Variants in LRFN2 observed in about 807,000 individuals in gnomAD.
The protein encoded by LRFN2 is leucine rich repeat and fibronectin type III domain containing 2, also known as leucine-rich repeat and fibronectin type-III domain-containing protein 2.
In LRFN2, 18 loss-of-function variants were observed where a neutral mutation model predicts 37.3. The observed-to-expected ratio is 0.48, with a 90% CI of 0.33 to 0.72. The LOEUF (loss-of-function observed/expected upper bound fraction) is 0.72, where lower values mean the gene tolerates loss of function less well. Among genes scored for constraint, LRFN2 ranks in the 30% least tolerant of loss-of-function variants. LRFN2 has a pLI of 0.02. For synonymous variants in LRFN2, 556 were observed against 466.6 expected (o/e 1.19, Z -2.47); for missense variants, 1,006 against 1,060.7 (o/e 0.95, Z 0.72).
In LRFN2 at chr6:40,465,721, A is replaced by C. The variant is rs940318621; in HGVS notation, c.-18-32590T>G. Among the ~76,000 whole-genome samples, 4 of 152,154 alleles carry C rather than the reference A, an allele frequency of 2.6e-5. No homozygotes were observed. The South Asian group carries it at 8.3e-4, about 32-fold the overall frequency. On this transcript the variant is annotated intron_variant, in intron 1 of 2. Coordinates refer to ENST00000338305, the MANE Select transcript of LRFN2 (RefSeq NM_020737.3). The stretch of plus-strand genomic sequence containing the variant: ...ACATAGGATGTTCCCAAGAGGATCA[A>C]ATTTCTGGGAATTTGGGGACTGGAG...
intron 1 of LRFN2, among the ~76,000 whole-genome samples, chr6:40,440,293 C>T (rs970215314): frequency 4.6e-5 from 7 of 152,124 alleles, no homozygotes; most frequent in African/African-American, 1.4e-4. Flanking sequence ...ATTATGCCTC[C>T]GTATTAGCAC....
At chr6:40,554,317 T>G (rs1169817114) in intron 1 of LRFN2, among the ~76,000 whole-genome samples, 1 of 152,192 alleles carries the variant, frequency 6.6e-6, no homozygotes, top group Admixed American at 6.5e-5. Context: ...ATGCCCTCCT[T>G]AGGGGCTTCT....
At chr6:40,563,351 T>C (rs1043270693) in intron 1 of LRFN2, among the ~76,000 whole-genome samples, 1 of 152,114 alleles carries the variant, frequency 6.6e-6, no homozygotes, top group African/African-American at 2.4e-5. Flanking sequence ...CCTCCTCCTC[T>C]GGGGGGCCCT....
chr6:40,414,745 C>G (rs545677143), intron 2 of LRFN2, among the ~76,000 whole-genome samples: 7 of 152,222 alleles, frequency 4.6e-5, no homozygotes, highest in Non-Finnish European at 7.3e-5. Flanking sequence ...TTGGCCCCCC[C>G]AGGCGGGGTC....
At chr6:40,535,942 G>C (rs1014918924) in intron 1 of LRFN2, among the ~76,000 whole-genome samples, 3 of 152,100 alleles carry the variant, frequency 2.0e-5, no homozygotes, top group Non-Finnish European at 4.4e-5. Context: ...ATTGCAGCTG[G>C]CTCAGCGATG....
At chr6:40,569,292 AG>A (rs1334410482) in intron 1 of LRFN2, among the ~76,000 whole-genome samples, 1 of 152,190 alleles carries the variant, frequency 6.6e-6, no homozygotes, top group Non-Finnish European at 1.5e-5. Flanking sequence ...CCTGGAACCA[AG>A]GGAGAGTTGG....
intron 1 of LRFN2, among the ~76,000 whole-genome samples, chr6:40,446,555 C>T (rs1763974287): frequency 6.6e-6 from 1 of 152,180 alleles, no homozygotes; most frequent in Non-Finnish European, 1.5e-5. Flanking sequence ...GTCACTAGGG[C>T]TAAGTGTATT....
At chr6:40,575,705 C>T (rs1377752905) in intron 1 of LRFN2, among the ~76,000 whole-genome samples, 3 of 147,202 alleles carry the variant, frequency 2.0e-5, no homozygotes, top group Non-Finnish European at 4.5e-5. Context: ...CCCACCCCAT[C>T]CCCACTCTCC....
intron 2 of LRFN2, among the ~76,000 whole-genome samples, chr6:40,396,652 A>G (rs1167860835): frequency 3.3e-5 from 5 of 151,560 alleles, no homozygotes; most frequent in Non-Finnish European, 5.9e-5. Context: ...GATGAAGAGC[A>G]GAAAGGCGGA....
Position 40,490,221 on chromosome 6 carries a change from G to C in LRFN2, c.-18-57090C>G, listed in dbSNP as rs1440707414. 2.6e-5 allele frequency among the ~76,000 whole-genome samples: 4 copies of C among 152,366 alleles called. No homozygotes were observed. The East Asian group carries it at 7.7e-4, about 29-fold the overall frequency. The stretch of plus-strand genomic sequence containing the variant: ...TTTGCCTCTCCAGATTGGAGTACAA[G>C]TGGGGAGATGGAAGAATTAACCTTT... On this transcript the variant is annotated intron_variant, in intron 1 of 2. Coordinates refer to ENST00000338305, the MANE Select transcript of LRFN2 (RefSeq NM_020737.3).
At chr6:40,485,351 C>G (rs1411853473) in intron 1 of LRFN2, among the ~76,000 whole-genome samples, 1 of 152,168 alleles carries the variant, frequency 6.6e-6, no homozygotes, top group Non-Finnish European at 1.5e-5. Flanking sequence ...TAATTTTTCC[C>G]AGTGACAGAG....
chr6:40,420,955 T>C (rs925186662), intron 2 of LRFN2, among the ~76,000 whole-genome samples: 2 of 152,238 alleles, frequency 1.3e-5, no homozygotes, highest in African/African-American at 4.8e-5. Flanking sequence ...TGGGAGCCCC[T>C]GGGAGTGAGC....
chr6:40,479,521 A>C (rs976864382), intron 1 of LRFN2, among the ~76,000 whole-genome samples: 3 of 152,232 alleles, frequency 2.0e-5, no homozygotes, highest in Non-Finnish European at 4.4e-5. Context: ...GTAACTTTCT[A>C]AGATCCCTTC....
At chr6:40,475,030 G>T (rs1764679411) in intron 1 of LRFN2, among the ~76,000 whole-genome samples, 1 of 152,144 alleles carries the variant, frequency 6.6e-6, no homozygotes, top group South Asian at 2.1e-4. Context: ...TCACTCTTAT[G>T]GTTGTCGGAG....
In LRFN2 at chr6:40,507,220, C is replaced by T. The variant is rs534436809; in HGVS notation, c.-18-74089G>A. 4.6e-5 allele frequency among the ~76,000 whole-genome samples: 7 copies of T among 152,280 alleles called. No homozygotes were observed. The East Asian group carries it at 5.8e-4, about 13-fold the overall frequency. On this transcript the variant is annotated intron_variant, in intron 1 of 2. Coordinates refer to ENST00000338305, the MANE Select transcript of LRFN2 (RefSeq NM_020737.3). Reference sequence around the variant, plus strand: ...TGGCACATGGTGGGTTCTTAATAAACGTCTACTGACACGTCAAACTAGTCT... The same window carrying T: ...TGGCACATGGTGGGTTCTTAATAAATGTCTACTGACACGTCAAACTAGTCT...
At chr6:40,500,732 A>C (rs1035786744) in intron 1 of LRFN2, among the ~76,000 whole-genome samples, 1 of 152,238 alleles carries the variant, frequency 6.6e-6, no homozygotes, top group East Asian at 1.9e-4. Flanking sequence ...TGCTACAAGA[A>C]TATTCACCAA....
At chr6:40,422,623 C>G (rs1342936977) in intron 2 of LRFN2, among the ~76,000 whole-genome samples, 1 of 152,170 alleles carries the variant, frequency 6.6e-6, no homozygotes, top group Non-Finnish European at 1.5e-5. Flanking sequence ...TGAATACGCA[C>G]ACGCCTGGGA....
chr6:40,475,730 A>G (rs984796553), intron 1 of LRFN2, among the ~76,000 whole-genome samples: 4 of 152,168 alleles, frequency 2.6e-5, no homozygotes, highest in African/African-American at 9.7e-5. Flanking sequence ...CACCTTGTAC[A>G]ATTCCAGGGG....
At chr6:40,519,933 TCA>T (rs1428254341) in intron 1 of LRFN2, among the ~76,000 whole-genome samples, 1 of 152,118 alleles carries the variant, frequency 6.6e-6, no homozygotes, top group Non-Finnish European at 1.5e-5. Flanking sequence ...TTAGAATTGC[TCA>T]GAGGAGAAGG....
Sources: allele counts gnomAD v4.1 joint callset (sites outside exome capture counted in the v4.1 genomes callset), GRCh38; gene constraint gnomAD v4.1.1; transcripts MANE v1.5; gene names NCBI Gene and HGNC (gene_info 2026-07-23, HGNC 2026-07-21).